The following BBS12 variants were observed in gnomAD, a reference collection of about 807,000 sequenced individuals.
The protein encoded by BBS12 is Bardet-Biedl syndrome 12, also known as chaperonin-containing T-complex member BBS12.
BBS12 carries 5 observed loss-of-function variants against 5.6 expected under a neutral mutation model. The ratio of observed to expected loss-of-function variants is 0.89; its 90% confidence interval spans 0.46 to 1.86. The LOEUF (loss-of-function observed/expected upper bound fraction) is 1.86. BBS12 is among the 40% of genes most tolerant of loss of function. BBS12 has a pLI of 0.01. For missense variants in BBS12, 748 were observed against 830.4 expected, an observed-to-expected ratio of 0.90 and a Z score of 1.22; for synonymous variants, 308 against 306.8, an observed-to-expected ratio of 1.00 and a Z score of -0.04.
chr4:122,718,723 TGA>T, the BBS12 span, among the ~76,000 whole-genome samples: 1 of 133,206 alleles, frequency 7.5e-6, no homozygotes, highest in East Asian at 2.0e-4. Flanking sequence ...TGAAATGAAA[TGA>T]AATGAAATGA....
chr4:122,719,564 C>T, the BBS12 span, among the ~76,000 whole-genome samples: 1 of 152,106 alleles, frequency 6.6e-6, no homozygotes, highest in Non-Finnish European at 1.5e-5. Context: ...GAACAAACAA[C>T]TCCGGACGCA....
At chr4:122,718,829 T>C in the BBS12 span, among the ~76,000 whole-genome samples, 1 of 152,138 alleles carries the variant, frequency 6.6e-6, no homozygotes, top group Non-Finnish European at 1.5e-5. Context: ...TTCTTCTTTG[T>C]TTGTTTTGAG....
chr4:122,724,305 G>C, the BBS12 span, among the ~76,000 whole-genome samples: 1 of 152,192 alleles, frequency 6.6e-6, no homozygotes, highest in African/African-American at 2.4e-5. Flanking sequence ...TCACATGGTT[G>C]TTGGCAGAAT....
chr4:122,717,206 G>A, the BBS12 span, among the ~76,000 whole-genome samples: 1 of 152,098 alleles, frequency 6.6e-6, no homozygotes, highest in Non-Finnish European at 1.5e-5. Context: ...AAGTTAAAAT[G>A]AGCCATGACC....
intron 1 of BBS12, among the ~76,000 whole-genome samples, chr4:122,739,463 C>G (rs531580509): frequency 2.0e-5 from 3 of 152,364 alleles, no homozygotes; most frequent in East Asian, 1.9e-4. Context: ...CAACCAAGAA[C>G]TACAGACTCC....
At chr4:122,703,555 A>G in the BBS12 span, among the ~76,000 whole-genome samples, 1 of 152,190 alleles carries the variant, frequency 6.6e-6, no homozygotes, top group Admixed American at 6.5e-5. Flanking sequence ...AAAAATAAAA[A>G]TTAAAAATAG....
At chr4:122,740,392 A>G (rs1297992731) in intron 1 of BBS12, among the ~76,000 whole-genome samples, 1 of 152,224 alleles carries the variant, frequency 6.6e-6, no homozygotes, top group African/African-American at 2.4e-5. Flanking sequence ...CATTATTCTG[A>G]AGAGGAGGAG....
chr4:122,702,983 A>G, the BBS12 span, among the ~76,000 whole-genome samples: 12 of 152,368 alleles, frequency 7.9e-5, no homozygotes, highest in African/African-American at 2.9e-4. Flanking sequence ...ATTTTGTTCC[A>G]CAATTGTTAT....
the BBS12 span, among the ~76,000 whole-genome samples, chr4:122,715,754 A>G: frequency 2.6e-5 from 4 of 152,350 alleles, no homozygotes; most frequent in South Asian, 6.2e-4. Context: ...AAAAACACAG[A>G]AAGAAAAAAT....
chr4:122,711,359 GAAAAAA>G, the BBS12 span, among the ~76,000 whole-genome samples: 2 of 135,120 alleles, frequency 1.5e-5, no homozygotes, highest in South Asian at 2.4e-4. Context: ...ATCCTGATTG[GAAAAAA>G]AAAAAAAAAG....
Position 122,736,508 on chromosome 4 carries a change from G to GA in BBS12, c.-11+3634dup, listed in dbSNP as rs149165104. ...TAGACAAAACTGGACATAATCTTTT[G>GA]AAAAAAAAAACTTATTCTGATGTCA... On this transcript the variant is annotated intron_variant, in intron 1 of 1. Transcript: ENST00000314218. Among the ~76,000 whole-genome samples, 483 of 148,068 alleles carry GA rather than the reference G, an allele frequency of 3.3e-3. 3 individuals are homozygous for GA. Among genetic ancestry groups the GA allele is most frequent in the Middle Eastern group, 0.01 (3 of 286 alleles).
chr4:122,736,974 A>G (rs892468026), intron 1 of BBS12, among the ~76,000 whole-genome samples: 4 of 152,182 alleles, frequency 2.6e-5, no homozygotes, highest in African/African-American at 9.6e-5. Context: ...ATTGATTTTG[A>G]TATCAGTTTT....
rs1800901967 is a variant in BBS12 at position 122,742,725 on chromosome 4, G to A, written c.833G>A (p.Gly278Glu). The A allele has an allele frequency of 6.2e-7, 1 of 1,614,122 alleles. No individual in the cohort carries two copies. The highest frequency in any genetic ancestry group is 1.1e-5 in the South Asian group (1 of 91,088). Residue 278 changes from glycine (G) to glutamate (E), a missense_variant, in exon 2 of 2, where the codon GGA (glycine) becomes GAA (glutamate). Gly to Glu is a moderately conservative substitution (Grantham distance 98). Transcript: ENST00000314218. ...LVELAVGLSH[G>E]DHSSMKLVEE... ...GAGTTGGCAGTAGGCTTGAGTCATG[G>A]AGATCACAGCAGCATGAAGTTAGTA...
At chr4:122,706,152 T>C in the BBS12 span, among the ~76,000 whole-genome samples, 1 of 152,154 alleles carries the variant, frequency 6.6e-6, no homozygotes, top group East Asian at 1.9e-4. Flanking sequence ...TTTGTCTTCA[T>C]GGACTTGGAG....
chr4:122,720,165 A>G, the BBS12 span, among the ~76,000 whole-genome samples: 1 of 152,196 alleles, frequency 6.6e-6, no homozygotes, highest in Non-Finnish European at 1.5e-5. Flanking sequence ...AAAGATCATT[A>G]ATGTGTTCAA....
At chr4:122,715,896 C>T in the BBS12 span, among the ~76,000 whole-genome samples, 1 of 151,886 alleles carries the variant, frequency 6.6e-6, no homozygotes. Context: ...TCAGTTTTTC[C>T]CAAACTGACT....
chr4:122,737,278 A>T (rs1800796087), intron 1 of BBS12, among the ~76,000 whole-genome samples: 1 of 152,222 alleles, frequency 6.6e-6, no homozygotes, highest in Non-Finnish European at 1.5e-5. Flanking sequence ...AAAAGATTCT[A>T]AAGAAGAGAG....
At chr4:122,719,450 C>T in the BBS12 span, among the ~76,000 whole-genome samples, 1 of 152,134 alleles carries the variant, frequency 6.6e-6, no homozygotes, top group African/African-American at 2.4e-5. Flanking sequence ...AATCTTGCTG[C>T]TGCTCAGTCT....
the BBS12 span, among the ~76,000 whole-genome samples, chr4:122,723,040 G>A: frequency 2.7e-4 from 41 of 152,180 alleles, no homozygotes; most frequent in South Asian, 8.3e-4. Flanking sequence ...ATAAATGGAC[G>A]TCAAATTTTA....
Sources: gnomAD v4.1 joint callset for allele counts (sites outside exome capture counted in the v4.1 genomes callset) on GRCh38, gnomAD v4.1.1 for gene constraint, MANE v1.5 for transcripts, NCBI Gene and HGNC (gene_info 2026-07-23, HGNC 2026-07-21) for gene names.